The following DDX24 variants were observed in gnomAD, a reference collection of about 807,000 sequenced individuals.
DDX24 encodes the protein ATP-dependent RNA helicase DDX24.
Under a neutral mutation model 68.9 loss-of-function variants are expected in DDX24, and 24 were observed. That is an observed-to-expected ratio of 0.35 (90% CI 0.25 to 0.49). The LOEUF is 0.49. Ranked by LOEUF, DDX24 falls within the 20% of genes least tolerant of loss-of-function variation. The probability of loss-of-function intolerance (pLI) is 0.99; values close to 1 mark genes in which losing one functional copy is unlikely to be tolerated. For synonymous variants in DDX24, 395 were observed against 385.2 expected (o/e 1.03, Z -0.30); for missense variants, 989 against 1,039.0 (o/e 0.95, Z 0.66).
At chr14:94,053,311 C>T (rs1885424859) in intron 7 of DDX24, 184 bp from the exon 8 acceptor site, 1 of 584,006 alleles carries the variant, frequency 1.7e-6, no homozygotes, top group Non-Finnish European at 2.8e-6. Context: ...ATCCTCCCAC[C>T]TCAGCCTCCC....
chr14:94,065,054 C>CTTT (rs57434417), intron 2 of DDX24, among the ~76,000 whole-genome samples: 26 of 144,296 alleles, frequency 1.8e-4, no homozygotes, highest in African/African-American at 6.2e-4. Flanking sequence ...GGTAGAAAAT[C>CTTT]TTTTTTTTTT....
chr14:94,059,582 C>A (rs142172379), intron 5 of DDX24, among the ~76,000 whole-genome samples: 1 of 152,188 alleles, frequency 6.6e-6, no homozygotes, highest in South Asian at 2.1e-4. Context: ...ACACTTTACA[C>A]GCATGAATTT....
chr14:94,062,507 C>G lies in DDX24; in HGVS notation c.833G>C (p.Arg278Thr), dbSNP rs771134149. The G allele has an allele frequency of 2.5e-6, 4 of 1,614,168 alleles. No individual in the cohort carries two copies. The South Asian group carries it at 4.4e-5, about 18-fold the overall frequency. Residue 278 changes from arginine to threonine, a missense_variant, in exon 3 of 9, where the codon AGA becomes ACA. This residue lies in a region of DDX24 where 691 missense variants were observed against 760.0 expected (regional missense o/e 0.91). Coordinates refer to ENST00000621632, the MANE Select transcript of DDX24 (RefSeq NM_020414.4). The stretch of plus-strand genomic sequence containing the variant: ...TCTAGTCTCAGCTCCGGCCTCAGTT[C>G]TGGTCTCTCCAGGTGGTGCTTCGGT... ...SNTEAPPGET[R>T]TEAGAETRSP...
At chr14:94,063,611 A>G (rs895275779) in intron 2 of DDX24, among the ~76,000 whole-genome samples, 1 of 152,258 alleles carries the variant, frequency 6.6e-6, no homozygotes, top group African/African-American at 2.4e-5. Context: ...CCGAAACAGT[A>G]ACTACGTAGG....
chr14:94,051,272 G>A lies in DDX24; in HGVS notation c.2499C>T (p.Leu833=), dbSNP rs115812803. 170 of 1,608,588 alleles carry A rather than the reference G, an allele frequency of 1.1e-4. No individual in the cohort carries two copies. The African/African-American group carries it at 2.2e-3, about 20-fold the overall frequency. ...PSKSESALSC[L]SKQKKKKTKK... is the part of the protein sequence containing the mutation. ...TTGTCTTCTTCTTCTTCTGCTTGGA[G>A]AGACAGCTCAAAGCAGACTCGCTCT... is the stretch of plus-strand genomic sequence containing the variant. The change falls in exon 9 of 9, where the codon CTC becomes CTT. Residue 833 remains leucine (L), a synonymous_variant. Coordinates refer to ENST00000621632, the MANE Select transcript of DDX24 (RefSeq NM_020414.4).
rs747489286 is a variant in DDX24 at position 94,055,025 on chromosome 14, C to A, written c.2149G>T (p.Val717Leu). The change falls in exon 7 of 9, where the codon GTG becomes TTG. Residue 717 changes from valine to leucine, a missense_variant. Val to Leu is a conservative substitution (Grantham distance 32). Transcript: ENST00000621632. Reference protein sequence around the residue: ...KKDEDIPLFPVQTKYMDVVKE... With the variant: ...KKDEDIPLFPLQTKYMDVVKE... ...ACCACATCCATGTATTTTGTCTGCA[C>A]GGGGAACAGTGGGATATCCTCATCT... 1.2e-6 allele frequency: 2 copies of A among 1,614,114 alleles called. No homozygotes were observed. The highest frequency in any genetic ancestry group is 1.1e-5 in the South Asian group (1 of 91,082).
chr14:94,055,286 A>T, intron 6 of DDX24, 102 bp from the exon 7 acceptor site: 2 of 1,222,632 alleles, frequency 1.6e-6, no homozygotes, highest in Non-Finnish European at 2.3e-6. Flanking sequence ...CCTCCCAGCC[A>T]GGCAGGTAGA....
intron 2 of DDX24, among the ~76,000 whole-genome samples, chr14:94,070,921 T>C (rs547893716): frequency 2.0e-5 from 3 of 152,298 alleles, no homozygotes; most frequent in South Asian, 2.1e-4. Flanking sequence ...AAAATTAACA[T>C]TGGACAAACC....
intron 2 of DDX24, among the ~76,000 whole-genome samples, chr14:94,071,408 G>A (rs905109497): frequency 6.6e-6 from 1 of 152,202 alleles, no homozygotes; most frequent in African/African-American, 2.4e-5. Flanking sequence ...CAGCACTTCC[G>A]GAGGTTGAGG....
chr14:94,053,461 A>G, intron 7 of DDX24: 4 of 205,318 alleles, frequency 1.9e-5, no homozygotes, highest in South Asian at 7.4e-5. Context: ...TTTCCACTTC[A>G]GCCTCCTAAA....
intron 2 of DDX24, among the ~76,000 whole-genome samples, chr14:94,063,789 G>A (rs1353903380): frequency 6.6e-6 from 1 of 152,156 alleles, no homozygotes; most frequent in East Asian, 1.9e-4. Flanking sequence ...TGTAGTCTTC[G>A]AAACTTGGGA....
chr14:94,060,261 T>A lies in DDX24; in HGVS notation c.1750A>T (p.Met584Leu), dbSNP rs576506786. The change falls in exon 5 of 9, where the codon ATG becomes TTG. Residue 584 changes from methionine to leucine, a missense_variant. Met to Leu is a conservative substitution (Grantham distance 15, BLOSUM62 2). Coordinates refer to ENST00000621632, the MANE Select transcript of DDX24 (RefSeq NM_020414.4). ...ACTAAGCTGCGGCCTGGATACTGCA[T>A]CAGGAAGTAGTACAAGTAGAAGTCT... The part of the protein sequence containing the change: ...EKDFYLYYFL[M>L]QYPGRSLVFA... The A allele has an allele frequency of 9.3e-5, 150 of 1,614,184 alleles. 1 individual carries two copies. In the South Asian group the frequency reaches 1.4e-3, roughly 15 times the overall value.
chr14:94,053,333 A>G, intron 7 of DDX24: 1 of 258,862 alleles, frequency 3.9e-6, no homozygotes, highest in Non-Finnish European at 7.1e-6. Context: ...AGCAGCTGGG[A>G]GGCACCACCA....
chr14:94,060,679 C>G, intron 4 of DDX24, 66 bp from the exon 5 acceptor site: 2 of 1,559,712 alleles, frequency 1.3e-6, no homozygotes, highest in Non-Finnish European at 1.7e-6. Context: ...CTATAGCACA[C>G]CCTACACTCA....
intron 5 of DDX24, among the ~76,000 whole-genome samples, chr14:94,059,241 AG>A (rs1267104766): frequency 6.6e-6 from 1 of 152,248 alleles, no homozygotes; most frequent in African/African-American, 2.4e-5. Flanking sequence ...CACTGGCAAA[AG>A]ACACTTTGTA....
At chr14:94,058,905 A>C (rs982586131) in intron 5 of DDX24, among the ~76,000 whole-genome samples, 1 of 152,180 alleles carries the variant, frequency 6.6e-6, no homozygotes, top group African/African-American at 2.4e-5. Context: ...ACAATACATA[A>C]ATGGGTCTTG....
At chr14:94,076,749 T>A (rs1885949252) in intron 2 of DDX24, among the ~76,000 whole-genome samples, 1 of 151,012 alleles carries the variant, frequency 6.6e-6, no homozygotes, top group African/African-American at 2.4e-5. Flanking sequence ...CTATCAGTGG[T>A]TGCCTGAGGA....
intron 1 of DDX24, among the ~76,000 whole-genome samples, chr14:94,080,442 G>A (rs551177514): frequency 6.6e-6 from 1 of 152,120 alleles, no homozygotes; most frequent in Non-Finnish European, 1.5e-5. Flanking sequence ...CAGATTCCGT[G>A]AAAAAGACCA....
intron 1 of DDX24, among the ~76,000 whole-genome samples, chr14:94,080,913 C>G (rs1886073710): frequency 6.6e-6 from 1 of 152,170 alleles, no homozygotes; most frequent in African/African-American, 2.4e-5. Context: ...AGCCGAGAAG[C>G]CAAGGCCGTC....
Sources: gnomAD v4.1 joint callset for allele counts (sites outside exome capture counted in the v4.1 genomes callset) on GRCh38, gnomAD v4.1.1 for gene constraint, gnomAD v4.1.1 regional missense constraint, MANE v1.5 for transcripts, NCBI Gene and HGNC (gene_info 2026-07-23, HGNC 2026-07-21) for gene names.